Variants in NALF1 observed in about 807,000 individuals in gnomAD.
NALF1 encodes NALCN channel auxiliary factor 1.
A neutral mutation model predicts 48.4 loss-of-function variants in NALF1; 3 were observed. The ratio of observed to expected loss-of-function variants is 0.06; its 90% CI spans 0.03 to 0.16. The LOEUF is 0.16. NALF1 is among the 10% of genes least tolerant of loss of function. The pLI is 1.00. For synonymous variants in NALF1, 262 were observed against 245.7 expected (o/e 1.07, Z -0.62); for missense variants, 526 against 571.5 (o/e 0.92, Z 0.81).
At chr13:107,744,204 C>T (rs943102668) in intron 1 of NALF1, among the ~76,000 whole-genome samples, 1 of 152,150 alleles carries the variant, frequency 6.6e-6, no homozygotes, top group African/African-American at 2.4e-5. Flanking sequence ...TGAGATCTTG[C>T]AAGCTGTTTA....
chr13:107,607,668 C>T (rs981032164), intron 1 of NALF1, among the ~76,000 whole-genome samples: 20 of 152,128 alleles, frequency 1.3e-4, no homozygotes, highest in African/African-American at 4.3e-4. Flanking sequence ...CTCTCAGAGG[C>T]AAAATAATGC....
intron 1 of NALF1, among the ~76,000 whole-genome samples, chr13:107,491,414 T>A (rs573394423): frequency 2.8e-4 from 43 of 152,288 alleles, no homozygotes; most frequent in African/African-American, 1.0e-3. Flanking sequence ...GGATGCTGAC[T>A]TTTTAATTGC....
At chr13:107,590,166 G>A (rs997316385) in intron 1 of NALF1, among the ~76,000 whole-genome samples, 3 of 151,826 alleles carry the variant, frequency 2.0e-5, no homozygotes, top group African/African-American at 7.3e-5. Flanking sequence ...AGCACATAAA[G>A]ATAAATGAAA....
At chr13:107,447,488 C>CT (rs1884669631) in intron 1 of NALF1, among the ~76,000 whole-genome samples, 1 of 152,320 alleles carries the variant, frequency 6.6e-6, no homozygotes, top group East Asian at 1.9e-4. Context: ...CAGGTTTCTG[C>CT]ATAACACATA....
intron 1 of NALF1, among the ~76,000 whole-genome samples, chr13:107,672,635 C>CT (rs1285050194): frequency 6.6e-6 from 1 of 152,150 alleles, no homozygotes; most frequent in Admixed American, 6.5e-5. Context: ...ATCTGTGATT[C>CT]TTTCACATTA....
At chr13:107,634,067 A>G (rs1469729525) in intron 1 of NALF1, among the ~76,000 whole-genome samples, 4 of 152,010 alleles carry the variant, frequency 2.6e-5, no homozygotes, top group Non-Finnish European at 5.9e-5. Context: ...TACATGTATC[A>G]CGAATACTTT....
At chr13:107,274,103 T>G (rs1303877704) in intron 1 of NALF1, among the ~76,000 whole-genome samples, 1 of 152,166 alleles carries the variant, frequency 6.6e-6, no homozygotes, top group Non-Finnish European at 1.5e-5. Context: ...TGTATGAAAC[T>G]ACATCCTGGT....
intron 1 of NALF1, among the ~76,000 whole-genome samples, chr13:107,267,104 CACTTGGCTCTTGGCCAAGA>C (rs1302994685): frequency 1.3e-5 from 2 of 152,228 alleles, no homozygotes; most frequent in Admixed American, 1.3e-4. Context: ...TCCCCATAAG[CACTTGGCTCTTGGCCAAGA>C]CTCCCCTCCA....
intron 1 of NALF1, among the ~76,000 whole-genome samples, chr13:107,441,546 G>A (rs1884560653): frequency 6.6e-6 from 1 of 152,160 alleles, no homozygotes; most frequent in Non-Finnish European, 1.5e-5. Flanking sequence ...GTGGGTGAAT[G>A]GGAACATGAT....
intron 2 of NALF1, among the ~76,000 whole-genome samples, chr13:107,206,205 T>G (rs937611917): frequency 6.6e-6 from 1 of 152,164 alleles, no homozygotes; most frequent in Non-Finnish European, 1.5e-5. Flanking sequence ...GTTTTATTCT[T>G]TAATAGAAAA....
intron 1 of NALF1, among the ~76,000 whole-genome samples, chr13:107,848,735 T>C (rs1300423477): frequency 6.6e-6 from 1 of 152,232 alleles, no homozygotes; most frequent in Non-Finnish European, 1.5e-5. Flanking sequence ...GGAAACATAA[T>C]ATTTCTCATA....
chr13:107,765,830 A>G (rs1877403418), intron 1 of NALF1, among the ~76,000 whole-genome samples: 1 of 152,190 alleles, frequency 6.6e-6, no homozygotes, highest in African/African-American at 2.4e-5. Context: ...AAGATTCTGA[A>G]GGGAATAAAG....
intron 1 of NALF1, among the ~76,000 whole-genome samples, chr13:107,365,384 G>T (rs1052897688): frequency 6.6e-6 from 1 of 152,044 alleles, no homozygotes; most frequent in African/African-American, 2.4e-5. Flanking sequence ...GCTCTCTCCA[G>T]TGTACTTTTC....
chr13:107,737,593 T>C (rs1047255760), intron 1 of NALF1, among the ~76,000 whole-genome samples: 1 of 152,204 alleles, frequency 6.6e-6, no homozygotes, highest in Non-Finnish European at 1.5e-5. Flanking sequence ...ATTGCTGGGG[T>C]TCCTGGAAAA....
intron 1 of NALF1, among the ~76,000 whole-genome samples, chr13:107,854,134 C>T (rs1426526802): frequency 4.6e-5 from 7 of 152,180 alleles, no homozygotes; most frequent in South Asian, 2.1e-4. Flanking sequence ...TAAAAACGAA[C>T]ATTCGGTGTA....
At chr13:107,493,485 C>A (rs1875216107) in intron 1 of NALF1, among the ~76,000 whole-genome samples, 1 of 151,944 alleles carries the variant, frequency 6.6e-6, no homozygotes, top group South Asian at 2.1e-4. Flanking sequence ...GTTTATTCTA[C>A]CTGTAAAAAT....
At chr13:107,449,329 C>G (rs563648054) in intron 1 of NALF1, among the ~76,000 whole-genome samples, 1 of 151,728 alleles carries the variant, frequency 6.6e-6, no homozygotes, top group Admixed American at 6.6e-5. Context: ...GAAACTGGAA[C>G]AAGAAGAACA....
intron 1 of NALF1, among the ~76,000 whole-genome samples, chr13:107,497,174 T>C (rs114058872): frequency 6.6e-6 from 1 of 152,198 alleles, no homozygotes; most frequent in Non-Finnish European, 1.5e-5. Flanking sequence ...CAATAAAAGG[T>C]TTAACAAGAA....
intron 1 of NALF1, among the ~76,000 whole-genome samples, chr13:107,255,564 G>T (rs181368254): frequency 6.7e-6 from 1 of 148,872 alleles, no homozygotes; most frequent in Non-Finnish European, 1.5e-5. Flanking sequence ...CCGTTTTATA[G>T]ATAAAGAAAG....
Sources: gnomAD v4.1 joint callset for allele counts (sites outside exome capture counted in the v4.1 genomes callset) on GRCh38, gnomAD v4.1.1 for gene constraint, MANE v1.5 for transcripts, NCBI Gene and HGNC (gene_info 2026-07-23, HGNC 2026-07-21) for gene names.